Variants in CDH12 observed in about 807,000 individuals in gnomAD.
CDH12 encodes the protein cadherin 12.
In CDH12, 41 loss-of-function variants were observed where a neutral mutation model predicts 74.1. The ratio of observed to expected loss-of-function variants is 0.55; its 90% confidence interval spans 0.43 to 0.72. The LOEUF (loss-of-function observed/expected upper bound fraction) is 0.72, where lower values mean the gene tolerates loss of function less well. Among genes scored for constraint, CDH12 ranks in the 30% least tolerant of loss-of-function variants. The pLI is 0.00. For synonymous variants in CDH12, 399 were observed against 355.0 expected (o/e 1.12, Z -1.39); for missense variants, 945 against 977.2 (o/e 0.97, Z 0.44).
intron 4 of CDH12, among the ~76,000 whole-genome samples, chr5:22,079,866 CAAAT>C (rs1742597172): frequency 6.7e-6 from 1 of 148,542 alleles, no homozygotes; most frequent in South Asian, 2.1e-4. Flanking sequence ...AATAAACAGT[CAAAT>C]AAATAACTGA....
At position 22,135,810 on chromosome 5, in the gene CDH12, A is replaced by G. The variant is rs568167845; in HGVS notation, c.-186-56948T>C. On this transcript the variant is annotated intron_variant, in intron 4 of 14. Transcript: ENST00000382254. ...GTAGCAGGTTTGTTTGGCAACTATT[A>G]GATAAAACAGTTGTGAGGTTACAGC... 5.9e-4 allele frequency among the ~76,000 whole-genome samples: 89 copies of G among 152,044 alleles called. 1 individual carries two copies. The Middle Eastern group carries it at 0.01, about 17-fold the overall frequency.
intron 6 of CDH12, among the ~76,000 whole-genome samples, chr5:21,882,019 G>A (rs564704769): frequency 5.9e-5 from 9 of 152,144 alleles, no homozygotes; most frequent in East Asian, 5.8e-4. Context: ...AATAATAAGC[G>A]TTTTACTAAA....
intron 3 of CDH12, among the ~76,000 whole-genome samples, chr5:22,270,638 C>A (rs1463051076): frequency 6.6e-6 from 1 of 151,076 alleles, no homozygotes; most frequent in Non-Finnish European, 1.5e-5. Context: ...CACACACACA[C>A]ATCTATATAT....
chr5:22,099,154 A>T lies in CDH12; in HGVS notation c.-186-20292T>A, dbSNP rs142852791. On this transcript the variant is annotated intron_variant, in intron 4 of 14. Transcript: ENST00000382254. Reference sequence around the variant, plus strand: ...TACTGGATAAGTAGAGGCCTTTCCTACAGGGTCTGAGAAGGCCACCACTGT... The same window carrying T: ...TACTGGATAAGTAGAGGCCTTTCCTTCAGGGTCTGAGAAGGCCACCACTGT... Among the ~76,000 whole-genome samples the T allele has an allele frequency of 5.9e-3, 896 of 152,264 alleles. 8 individuals carry two copies. Among genetic ancestry groups the T allele is most frequent in the African/African-American group, 0.02 (847 of 41,556 alleles).
At chr5:21,783,266 A>C in intron 11 of CDH12, 92 bp downstream of exon 11, 1 of 1,192,964 alleles carries the variant, frequency 8.4e-7, no homozygotes, top group Non-Finnish European at 1.2e-6. Context: ...CTGTCAGTCC[A>C]AAAATGAAAA....
intron 3 of CDH12, among the ~76,000 whole-genome samples, chr5:22,377,373 G>C (rs990889322): frequency 6.6e-6 from 1 of 152,134 alleles, no homozygotes; most frequent in African/African-American, 2.4e-5. Flanking sequence ...CGCCAATGAC[G>C]CAGGTTCTCC....
intron 1 of CDH12, among the ~76,000 whole-genome samples, chr5:22,787,000 GATTA>G (rs1299102171): frequency 1.3e-5 from 2 of 151,824 alleles, no homozygotes; most frequent in Non-Finnish European, 1.5e-5. Context: ...ACACCTTTTT[GATTA>G]ATTAATTTAT....
intron 1 of CDH12, among the ~76,000 whole-genome samples, chr5:22,518,797 C>G (rs1399155071): frequency 6.6e-6 from 1 of 152,170 alleles, no homozygotes. Context: ...TTGGTAAACA[C>G]AGCTTAAAAC....
At position 22,579,976 on chromosome 5, in the gene CDH12, C is replaced by A. The variant is rs183285863; in HGVS notation, c.-522-74612G>T. ...CTCTTCTCTCCAGAATGCCTTGCTA[C>A]ATGCTCTGGCCTCAAAGCTACTTTT... On this transcript the variant is annotated intron_variant, in intron 1 of 14. Coordinates refer to ENST00000382254, the MANE Select transcript of CDH12 (RefSeq NM_004061.5). Among the ~76,000 whole-genome samples the A allele has an allele frequency of 5.1e-4, 78 of 152,264 alleles. No homozygotes were observed. In the East Asian group the frequency reaches 0.015, roughly 29 times the overall value.
chr5:21,883,315 C>T lies in CDH12; in HGVS notation c.527-28525G>A, dbSNP rs1752455440. 7 of 1,503,146 alleles carry T rather than the reference C, an allele frequency of 4.7e-6. No individual in the cohort carries two copies. In the East Asian group the frequency reaches 1.6e-4, roughly 34 times the overall value. The allele number at this position is 1,503,146 out of a possible 1,614,324, so 93.1% of individuals were successfully genotyped here. ...GGTCAGAAATGTGAATTCCAGGATG[C>T]CTATGTTCTGTTGAGTGAAAAGAAA... is the stretch of plus-strand genomic sequence containing the variant. On this transcript the variant is annotated intron_variant, in intron 6 of 14. Transcript: ENST00000382254.
intron 1 of CDH12, among the ~76,000 whole-genome samples, chr5:22,831,094 A>G (rs1370376710): frequency 6.6e-6 from 1 of 152,052 alleles, no homozygotes; most frequent in East Asian, 1.9e-4. Context: ...ATCAGTTCCT[A>G]CTGATTTTCT....
chr5:22,179,990 C>T (rs1309564048), intron 4 of CDH12, among the ~76,000 whole-genome samples: 3 of 152,032 alleles, frequency 2.0e-5, no homozygotes, highest in African/African-American at 7.2e-5. Flanking sequence ...GTGTGGGAAG[C>T]CTAACATGGA....
chr5:22,104,721 A>G (rs1744330461), intron 4 of CDH12, among the ~76,000 whole-genome samples: 1 of 152,170 alleles, frequency 6.6e-6, no homozygotes, highest in Non-Finnish European at 1.5e-5. Context: ...AATCCTCTTT[A>G]CTTCAGACTT....
intron 4 of CDH12, among the ~76,000 whole-genome samples, chr5:22,186,366 G>T (rs923420910): frequency 6.6e-6 from 1 of 152,286 alleles, no homozygotes; most frequent in African/African-American, 2.4e-5. Flanking sequence ...TAACCATATA[G>T]TCAAGCTGTG....
chr5:22,694,389 T>A (rs1906244), intron 1 of CDH12, among the ~76,000 whole-genome samples: 3,653 of 152,278 alleles, frequency 0.024, 39 homozygotes, highest in Middle Eastern at 0.051. Context: ...ATTATGCTGT[T>A]GATAGTCTCA....
intron 1 of CDH12, among the ~76,000 whole-genome samples, chr5:22,798,971 G>A (rs955172615): frequency 6.6e-6 from 1 of 152,024 alleles, no homozygotes; most frequent in African/African-American, 2.4e-5. Flanking sequence ...ACAAAAACTA[G>A]CTGGGTGTGG....
intron 2 of CDH12, among the ~76,000 whole-genome samples, chr5:22,488,969 T>A (rs1407263133): frequency 3.3e-5 from 5 of 151,652 alleles, no homozygotes; most frequent in African/African-American, 1.2e-4. Flanking sequence ...AATTATCTGA[T>A]TTTTAAAAAT....
At chr5:22,273,177 A>G (rs1442281453) in intron 3 of CDH12, among the ~76,000 whole-genome samples, 2 of 152,316 alleles carry the variant, frequency 1.3e-5, no homozygotes, top group East Asian at 3.9e-4. Context: ...GGTGCACTTC[A>G]TGGCACCACA....
chr5:22,708,672 AT>A (rs1743145266), intron 1 of CDH12, among the ~76,000 whole-genome samples: 1 of 152,078 alleles, frequency 6.6e-6, no homozygotes. Flanking sequence ...TTTAGGCTGG[AT>A]TTGATAATGT....
Sources: allele counts gnomAD v4.1 joint callset (sites outside exome capture counted in the v4.1 genomes callset), GRCh38; gene constraint gnomAD v4.1.1; transcripts MANE v1.5; gene names NCBI Gene and HGNC (gene_info 2026-07-23, HGNC 2026-07-21).